Variants in KCNMB2 observed in about 807,000 individuals in gnomAD.
The protein encoded by KCNMB2 is potassium calcium-activated channel subfamily M regulatory beta subunit 2, also known as calcium-activated potassium channel subunit beta-2.
In KCNMB2, 9 loss-of-function variants were observed where a neutral mutation model predicts 24.5. The ratio of observed to expected loss-of-function variants is 0.37; its 90% confidence interval spans 0.22 to 0.64. KCNMB2 has a LOEUF of 0.64. KCNMB2 is among the 30% of genes least tolerant of loss of function. KCNMB2 has a pLI of 0.63. For synonymous variants in KCNMB2, 109 were observed against 104.4 expected (o/e 1.04, Z -0.27); for missense variants, 226 against 284.3 (o/e 0.79, Z 1.47).
chr3:178,552,493 A>C lies in KCNMB2; in HGVS notation c.-68+15782A>C, dbSNP rs190130199. On this transcript the variant is annotated intron_variant, in intron 1 of 4. Transcript: ENST00000452583. Reference sequence around the variant, plus strand: ...CTATTTTATTTACCTAATAATTTCCATAACTGTATATCAATGGTACTATAA... The same window carrying C: ...CTATTTTATTTACCTAATAATTTCCCTAACTGTATATCAATGGTACTATAA... Among the ~76,000 whole-genome samples, 8 of 152,202 alleles carry C rather than the reference A, an allele frequency of 5.3e-5. No homozygotes were observed. In the East Asian group the frequency reaches 1.5e-3, roughly 29 times the overall value.
intron 1 of KCNMB2, among the ~76,000 whole-genome samples, chr3:178,754,195 C>CACATATATAT (rs1553773767): frequency 1.2e-4 from 17 of 137,466 alleles, no homozygotes; most frequent in African/African-American, 4.7e-4. Flanking sequence ...CACACACATA[C>CACATATATAT]ATATATATAT....
chr3:178,757,331 T>A lies in KCNMB2; in HGVS notation c.-67-50012T>A, dbSNP rs542518082. On this transcript the variant is annotated intron_variant, in intron 1 of 4. Transcript: ENST00000452583. The stretch of plus-strand genomic sequence containing the variant: ...ATCCATCCAAGAGGACATATATATA[T>A]GTATATATATCCAAGAGGATATATA... Among the ~76,000 whole-genome samples the A allele has an allele frequency of 1.1e-3, 116 of 107,414 alleles. 4 individuals carry two copies. The highest frequency in any genetic ancestry group is 4.1e-3 in the African/African-American group (108 of 26,254). 70.5% of individuals were successfully genotyped at this position (107,414 alleles called of 152,430 possible).
intron 1 of KCNMB2, among the ~76,000 whole-genome samples, chr3:178,591,023 C>T (rs763396939): frequency 3.9e-5 from 6 of 152,110 alleles, no homozygotes; most frequent in Non-Finnish European, 7.4e-5. Flanking sequence ...AGATTAGTGA[C>T]TGAAAGCAAG....
At chr3:178,651,352 C>T (rs540485402) in intron 1 of KCNMB2, among the ~76,000 whole-genome samples, 7 of 152,136 alleles carry the variant, frequency 4.6e-5, no homozygotes, top group African/African-American at 1.7e-4. Context: ...CCTAGAAATA[C>T]AACTTACAAG....
intron 1 of KCNMB2, among the ~76,000 whole-genome samples, chr3:178,783,432 T>G (rs1190235994): frequency 2.6e-5 from 4 of 151,424 alleles, no homozygotes; most frequent in Non-Finnish European, 5.9e-5. Flanking sequence ...GAGCATGGAA[T>G]GTTCTTCCAT....
intron 1 of KCNMB2, among the ~76,000 whole-genome samples, chr3:178,599,057 G>A (rs190293228): frequency 2.0e-4 from 31 of 152,158 alleles, no homozygotes; most frequent in Admixed American, 9.8e-4. Context: ...GGTCAGTTTC[G>A]TGTTTTACAA....
At chr3:178,680,155 A>C (rs1446437953) in intron 1 of KCNMB2, among the ~76,000 whole-genome samples, 1 of 152,176 alleles carries the variant, frequency 6.6e-6, no homozygotes, top group Non-Finnish European at 1.5e-5. Flanking sequence ...TTCTTCTTGA[A>C]TGAGACTGCA....
chr3:178,624,819 G>C (rs895432915), intron 1 of KCNMB2, among the ~76,000 whole-genome samples: 10 of 152,012 alleles, frequency 6.6e-5, no homozygotes, highest in African/African-American at 1.2e-4. Context: ...TGACAGAGGT[G>C]TGGGTGAGTG....
At chr3:178,737,724 G>T (rs1723363270) in intron 1 of KCNMB2, among the ~76,000 whole-genome samples, 1 of 152,062 alleles carries the variant, frequency 6.6e-6, no homozygotes, top group Admixed American at 6.6e-5. Flanking sequence ...GACTATAATG[G>T]CTTTGGTATA....
chr3:178,788,951 T>A (rs910777918), intron 1 of KCNMB2, among the ~76,000 whole-genome samples: 1 of 152,160 alleles, frequency 6.6e-6, no homozygotes, highest in Non-Finnish European at 1.5e-5. Flanking sequence ...AAGTTCAGTA[T>A]TTGTTGGATA....
intron 1 of KCNMB2, chr3:178,729,279 T>C (rs769331937): frequency 1.3e-5 from 2 of 152,172 alleles, no homozygotes; most frequent in African/African-American, 2.4e-5. Flanking sequence ...CTAGGTCTCA[T>C]CAGCTTTTCC....
At chr3:178,781,070 CTTTT>C (rs1712811271) in intron 1 of KCNMB2, among the ~76,000 whole-genome samples, 1 of 151,804 alleles carries the variant, frequency 6.6e-6, no homozygotes, top group Admixed American at 6.6e-5. Flanking sequence ...ACCATTAATT[CTTTT>C]TATTTTTATT....
chr3:178,789,191 T>A (rs1458757172), intron 1 of KCNMB2, among the ~76,000 whole-genome samples: 1 of 152,242 alleles, frequency 6.6e-6, no homozygotes, highest in Non-Finnish European at 1.5e-5. Flanking sequence ...CCTGAGCTGC[T>A]GTCCTCCTGA....
intron 1 of KCNMB2, among the ~76,000 whole-genome samples, chr3:178,784,608 T>G (rs1421346936): frequency 6.6e-6 from 1 of 152,116 alleles, no homozygotes; most frequent in Non-Finnish European, 1.5e-5. Flanking sequence ...AGTATCTAAT[T>G]TAATACTTCT....
chr3:178,817,227 A>ATATATATATATATATATATAT (rs1408060884), intron 2 of KCNMB2, among the ~76,000 whole-genome samples: 8 of 148,338 alleles, frequency 5.4e-5, no homozygotes, highest in East Asian at 2.0e-4. Context: ...ATATATATAT[A>ATATATATATATATATATATAT]AATGAAGTGT....
chr3:178,736,409 T>A (rs1469733681), intron 1 of KCNMB2, among the ~76,000 whole-genome samples: 1 of 152,196 alleles, frequency 6.6e-6, no homozygotes, highest in African/African-American at 2.4e-5. Context: ...ACTCCTGCAT[T>A]CACACCCACT....
At chr3:178,792,026 A>G (rs531626698) in intron 1 of KCNMB2, among the ~76,000 whole-genome samples, 2 of 152,324 alleles carry the variant, frequency 1.3e-5, no homozygotes, top group East Asian at 3.9e-4. Flanking sequence ...AAGGATGTTA[A>G]GCAATAAAAA....
intron 1 of KCNMB2, among the ~76,000 whole-genome samples, chr3:178,790,907 G>A (rs1483854997): frequency 6.6e-6 from 1 of 152,214 alleles, no homozygotes; most frequent in East Asian, 1.9e-4. Flanking sequence ...CTGGGCTTGA[G>A]GTATCCCATA....
chr3:178,633,256 C>A (rs566029673), intron 1 of KCNMB2, among the ~76,000 whole-genome samples: 1 of 152,322 alleles, frequency 6.6e-6, no homozygotes, highest in African/African-American at 2.4e-5. Flanking sequence ...CTAGGCAGTG[C>A]CTCAATGGGG....
Sources: gnomAD v4.1 joint callset for allele counts (sites outside exome capture counted in the v4.1 genomes callset) on GRCh38, gnomAD v4.1.1 for gene constraint, MANE v1.5 for transcripts, NCBI Gene and HGNC (gene_info 2026-07-23, HGNC 2026-07-21) for gene names.